The following CPAMD8 variants were observed in gnomAD, a reference collection of about 807,000 sequenced individuals.
The protein encoded by CPAMD8 is C3 and PZP like alpha-2-macroglobulin domain containing 8, also known as C3 and PZP-like alpha-2-macroglobulin domain-containing protein 8.
CPAMD8 carries 146 observed loss-of-function variants against 224.7 expected under a neutral mutation model. The observed-to-expected ratio is 0.65, with a 90% confidence interval of 0.57 to 0.75. CPAMD8 has a LOEUF of 0.75. Among genes scored for constraint, CPAMD8 ranks in the 30% least tolerant of loss-of-function variants. CPAMD8 has a pLI of 0.00. For missense variants in CPAMD8, 2,301 were observed against 2,537.5 expected, an observed-to-expected ratio of 0.91 and a Z score of 2.00; for synonymous variants, 966 against 1,044.6, an observed-to-expected ratio of 0.92 and a Z score of 1.45.
chr19:16,987,556 T>C (rs1331445274), intron 13 of CPAMD8, among the ~76,000 whole-genome samples: 1 of 152,170 alleles, frequency 6.6e-6, no homozygotes, highest in Non-Finnish European at 1.5e-5. Flanking sequence ...TTCCTTCCTG[T>C]AGCTTACATT....
rs1280343990 is a variant in CPAMD8 at position 16,945,697 on chromosome 19, C to A, written c.2663-18G>T. ...GGCTTTGGCTGCAGAAATTTGATGT[C>A]TTGGTCTCAGAACAGGTCTCCACCC... On this transcript the variant is annotated intron_variant, in intron 21 of 41. Transcript: ENST00000443236. 6.2e-7 allele frequency: 1 copy of A among 1,613,614 alleles called. No individual in the cohort carries two copies.
chr19:16,976,390 C>A (rs973716357), intron 15 of CPAMD8, among the ~76,000 whole-genome samples: 1 of 151,934 alleles, frequency 6.6e-6, no homozygotes. Flanking sequence ...GCAGGAGAAT[C>A]GCTTGAAGCC....
rs11334335 is a variant in CPAMD8 at position 17,009,096 on chromosome 19, CA to C, written c.504+206del. 0.52 allele frequency: 303,533 copies of C among 580,546 alleles called. 61,659 individuals carry two copies. The highest frequency in any genetic ancestry group is 0.61 in the Admixed American group (18,909 of 30,832). 36.0% of individuals were successfully genotyped at this position (580,546 alleles called of 1,614,324 possible). On this transcript the variant is annotated intron_variant, in intron 6 of 41. Coordinates refer to ENST00000443236, the MANE Select transcript of CPAMD8 (RefSeq NM_015692.5). ...TGGGTGATAGAGCGAGACTCCATTT[CA>C]AAAAAAAAAAGGAAACGGACAGACA...
intron 11 of CPAMD8, among the ~76,000 whole-genome samples, chr19:16,996,589 C>T (rs760874298): frequency 3.9e-5 from 6 of 151,980 alleles, no homozygotes; most frequent in African/African-American, 1.2e-4. Context: ...GAGGCCAAGG[C>T]GGGAAGTTCA....
At chr19:17,009,197 C>A (rs750660875) in intron 6 of CPAMD8, 106 bp downstream of exon 6, 1 of 1,589,192 alleles carries the variant, frequency 6.3e-7, no homozygotes, top group Non-Finnish European at 8.6e-7. Flanking sequence ...TAAGGCACAG[C>A]GGCTCAACCC....
rs763446316 is a variant in CPAMD8 at position 16,899,956 on chromosome 19, T to A, written c.4774-407A>T. Among the ~76,000 whole-genome samples, 25 of 151,632 alleles carry A rather than the reference T, an allele frequency of 1.6e-4. No individual in the cohort carries two copies. Among genetic ancestry groups the A allele is most frequent in the Non-Finnish European group, 7.4e-5 (5 of 67,906 alleles). On this transcript the variant is annotated intron_variant, in intron 36 of 41. Transcript: ENST00000443236. The surrounding 1 kb of genome is among the most constrained non-coding windows in gnomAD (Gnocchi z 5.4). ...AAATCCACACCCACTCCAAGGCCTC[T>A]GAATTGACCACATCCTCATCCCCTG...
At chr19:16,915,383 G>T (rs368776343) in intron 27 of CPAMD8, among the ~76,000 whole-genome samples, 13 of 152,096 alleles carry the variant, frequency 8.5e-5, no homozygotes, top group East Asian at 3.9e-4. Context: ...CCAAGGGAGG[G>T]AATACCCAGG....
rs1362291572 is a variant in CPAMD8, at chr19:17,008,521, T to C, written c.543A>G (p.Leu181=). 6.2e-7 allele frequency: 1 copy of C among 1,613,266 alleles called. No individual in the cohort carries two copies. Among genetic ancestry groups the C allele is most frequent in the Non-Finnish European group, 8.5e-7 (1 of 1,180,026 alleles). The change falls in exon 7 of 42, where the codon TTA becomes TTG. Residue 181 remains leucine, a synonymous_variant. Coordinates refer to ENST00000443236, the MANE Select transcript of CPAMD8 (RefSeq NM_015692.5). ...RGSRMIEWRH[L]KPFCCGITNM... is the part of the protein sequence containing the mutation. ...GAAACTTACCGCAGCAGAACGGCTT[T>C]AAGTGTCTCCACTCTATCATCCGAG... is the stretch of plus-strand genomic sequence containing the variant.
intron 3 of CPAMD8, among the ~76,000 whole-genome samples, chr19:17,017,332 T>C (rs1199974510): frequency 2.0e-5 from 3 of 152,150 alleles, no homozygotes; most frequent in Middle Eastern, 3.2e-3. Flanking sequence ...TATATTACAG[T>C]GTAATAATAA....
intron 23 of CPAMD8, among the ~76,000 whole-genome samples, chr19:16,937,661 T>TC (rs2053740614): frequency 1.3e-5 from 2 of 150,696 alleles, no homozygotes; most frequent in African/African-American, 4.9e-5. Context: ...TTTTTTTTTT[T>TC]TTTTTTTTTG....
chr19:16,997,602 G>A (rs555185629), intron 10 of CPAMD8, among the ~76,000 whole-genome samples: 9 of 152,226 alleles, frequency 5.9e-5, no homozygotes, highest in African/African-American at 2.2e-4. Flanking sequence ...TGTAATCCCA[G>A]CACTTTGGGA....
At chr19:16,974,933 C>G (rs2055202690) in intron 17 of CPAMD8, among the ~76,000 whole-genome samples, 164 bp downstream of exon 17, 2 of 152,068 alleles carry the variant, frequency 1.3e-5, no homozygotes, top group African/African-American at 4.8e-5. Context: ...TATGATCACA[C>G]CACTGCACTC....
At chr19:16,896,697 C>A (rs756558320) in intron 39 of CPAMD8, 32 bp from the exon 40 acceptor site, 2 of 1,345,318 alleles carry the variant, frequency 1.5e-6, no homozygotes, top group East Asian at 3.0e-5. Context: ...ACAGACCCCC[C>A]ACCCTGAACC....
intron 10 of CPAMD8, among the ~76,000 whole-genome samples, chr19:16,997,834 G>GAA (rs1001204415): frequency 7.0e-6 from 1 of 141,992 alleles, no homozygotes. Flanking sequence ...CCTGGGTTAA[G>GAA]AAAAAAAAAA....
Position 16,898,094 on chromosome 19 carries a change from G to T in CPAMD8, c.4849-100C>A, listed in dbSNP as rs917426754. Reference sequence around the variant, plus strand: ...CTGATTTCAGGGATACCCAGGACGCGTGAAACACAGAAGAAACGTGATCCC... The same window carrying T: ...CTGATTTCAGGGATACCCAGGACGCTTGAAACACAGAAGAAACGTGATCCC... On this transcript the variant is annotated intron_variant, in intron 37 of 41. Coordinates refer to ENST00000443236, the MANE Select transcript of CPAMD8 (RefSeq NM_015692.5). The surrounding 1 kb of genome is among the most constrained non-coding windows in gnomAD (Gnocchi z 4.2). The T allele has an allele frequency of 5.5e-6, 4 of 721,952 alleles. No individual in the cohort carries two copies. The highest frequency in any genetic ancestry group is 9.2e-6 in the Non-Finnish European group (4 of 432,590). 44.7% of individuals were successfully genotyped at this position (721,952 alleles called of 1,614,324 possible).
At chr19:16,902,522 A>C in intron 35 of CPAMD8, 127 bp downstream of exon 35, 1 of 631,832 alleles carries the variant, frequency 1.6e-6, no homozygotes, top group Non-Finnish European at 2.8e-6. Context: ...GTCTCAAAAA[A>C]ACAAAACAAA....
intron 6 of CPAMD8, 53 bp downstream of exon 6, chr19:17,009,250 G>A: frequency 6.2e-7 from 1 of 1,613,832 alleles, no homozygotes; most frequent in Non-Finnish European, 8.5e-7. Flanking sequence ...TCTTGCAGAA[G>A]GTGGGCTACC....
intron 18 of CPAMD8, among the ~76,000 whole-genome samples, chr19:16,964,851 A>AGGG (rs2054774128): frequency 6.6e-6 from 1 of 152,260 alleles, no homozygotes; most frequent in Non-Finnish European, 1.5e-5. Flanking sequence ...ACCACGATCA[A>AGGG]GTCAGCTTCA....
chr19:16,967,561 C>G (rs1197144984), intron 18 of CPAMD8, among the ~76,000 whole-genome samples: 3 of 151,974 alleles, frequency 2.0e-5, no homozygotes, highest in Non-Finnish European at 4.4e-5. Flanking sequence ...AATCCCAGCA[C>G]TTTGGGAGGC....
Sources: gnomAD v4.1 joint callset for allele counts (sites outside exome capture counted in the v4.1 genomes callset) on GRCh38, gnomAD v4.1.1 for gene constraint, Gnocchi (gnomAD v3.1) non-coding constraint, MANE v1.5 for transcripts, NCBI Gene and HGNC (gene_info 2026-07-23, HGNC 2026-07-21) for gene names.